PDE4D: variants seen among roughly 807,000 people sequenced by gnomAD.
PDE4D encodes phosphodiesterase 4D.
Under a neutral mutation model 87.4 loss-of-function variants are expected in PDE4D, and 24 were observed. The ratio of observed to expected loss-of-function variants is 0.27; its 90% CI spans 0.20 to 0.39. The LOEUF (loss-of-function observed/expected upper bound fraction) is 0.39. Among genes scored for constraint, PDE4D ranks in the 10% least tolerant of loss-of-function variants. The probability of loss-of-function intolerance (pLI) is 1.00; values close to 1 mark genes in which losing one functional copy is unlikely to be tolerated. For synonymous variants in PDE4D, 384 were observed against 383.2 expected (o/e 1.00, Z -0.02); for missense variants, 714 against 1,041.0 (o/e 0.69, Z 4.32).
At chr5:59,331,967 G>A (rs986139734) in intron 1 of PDE4D, among the ~76,000 whole-genome samples, 1 of 152,082 alleles carries the variant, frequency 6.6e-6, no homozygotes, top group African/African-American at 2.4e-5. Context: ...TAGATCCATG[G>A]CCCATTTACC....
intron 1 of PDE4D, among the ~76,000 whole-genome samples, chr5:59,224,122 CAAAAAAAAAAAA>C (rs762239197): frequency 9.2e-5 from 2 of 21,840 alleles, no homozygotes; most frequent in South Asian, 3.7e-3. Context: ...CCTGTTTCTA[CAAAAAAAAAAAA>C]AAAAAAAAAA....
intron 1 of PDE4D, among the ~76,000 whole-genome samples, chr5:59,581,150 A>T (rs1056128492): frequency 2.6e-5 from 4 of 152,162 alleles, no homozygotes; most frequent in Non-Finnish European, 5.9e-5. Flanking sequence ...ATAATGCTAT[A>T]GCTAGACAGA....
At chr5:59,706,672 T>C (rs1753450730) in intron 1 of PDE4D, among the ~76,000 whole-genome samples, 1 of 152,146 alleles carries the variant, frequency 6.6e-6, no homozygotes, top group South Asian at 2.1e-4. Flanking sequence ...CTAGAATGTA[T>C]CCTTTGCTTA....
chr5:59,556,286 T>C (rs1377151750), intron 1 of PDE4D, among the ~76,000 whole-genome samples: 1 of 152,208 alleles, frequency 6.6e-6, no homozygotes, highest in Non-Finnish European at 1.5e-5. Flanking sequence ...ATTTACATTT[T>C]TTATTCAAAT....
chr5:59,440,957 T>C lies in PDE4D; in HGVS notation c.456-224989A>G, dbSNP rs144826045. 1.3e-3 allele frequency among the ~76,000 whole-genome samples: 205 copies of C among 152,340 alleles called. 1 individual carries two copies. The highest frequency in any genetic ancestry group is 4.8e-3 in the African/African-American group (199 of 41,580). On this transcript the variant is annotated intron_variant, in intron 1 of 14. Coordinates refer to ENST00000340635, the MANE Select transcript of PDE4D (RefSeq NM_001104631.2). Reference sequence around the variant, plus strand: ...TTGAGCAGATTTAAATGCTTATCTTTGAGCAGATTTAAATATCGAAAATTT... The same window carrying C: ...TTGAGCAGATTTAAATGCTTATCTTCGAGCAGATTTAAATATCGAAAATTT...
At chr5:60,283,958 T>C (rs1248619014) in intron 1 of PDE4D, among the ~76,000 whole-genome samples, 1 of 151,654 alleles carries the variant, frequency 6.6e-6, no homozygotes, top group Non-Finnish European at 1.5e-5. Flanking sequence ...AGAAACCAGC[T>C]GAATGAATAC....
chr5:60,108,437 A>G (rs1777288269), intron 2 of PDE4D, among the ~76,000 whole-genome samples: 1 of 152,222 alleles, frequency 6.6e-6, no homozygotes, highest in Non-Finnish European at 1.5e-5. Flanking sequence ...ATACTGCCCA[A>G]GGTAATTTAA....
intron 1 of PDE4D, among the ~76,000 whole-genome samples, chr5:59,563,336 TAGAA>T (rs796745779): frequency 1.1e-4 from 17 of 152,306 alleles, no homozygotes; most frequent in African/African-American, 3.1e-4. Flanking sequence ...GACTCATTGA[TAGAA>T]AGAGAGAAGC....
At chr5:59,568,713 A>C (rs1412026946) in intron 1 of PDE4D, among the ~76,000 whole-genome samples, 2 of 152,092 alleles carry the variant, frequency 1.3e-5, no homozygotes, top group Non-Finnish European at 2.9e-5. Context: ...TCTACAAAAT[A>C]CCTAATCAGT....
At chr5:59,156,320 A>AAAAAAAATATATAT (rs548335725) in intron 5 of PDE4D, among the ~76,000 whole-genome samples, 1 of 81,780 alleles carries the variant, frequency 1.2e-5, no homozygotes, top group African/African-American at 5.1e-5. Context: ...AAAAAAAAAA[A>AAAAAAAATATATAT]ATATATATAT....
chr5:59,347,596 C>T (rs970886528), intron 1 of PDE4D, among the ~76,000 whole-genome samples: 3 of 152,148 alleles, frequency 2.0e-5, no homozygotes. Flanking sequence ...CGATTTTTAA[C>T]TTCCATTTTT....
rs994554448 is a variant in PDE4D, at chr5:59,312,113, G to C, written c.456-96145C>G. Among the ~76,000 whole-genome samples the C allele has an allele frequency of 5.3e-5, 8 of 152,258 alleles. 1 individual carries two copies. In the South Asian group the frequency reaches 1.5e-3, roughly 28 times the overall value. On this transcript the variant is annotated intron_variant, in intron 1 of 14. Transcript: ENST00000340635. Reference sequence around the variant, plus strand: ...CTTAGTTCTCCTCTCCAAGCTTGTAGGAGGTAAGTGAGCCAACTGAACTCG... The same window carrying C: ...CTTAGTTCTCCTCTCCAAGCTTGTACGAGGTAAGTGAGCCAACTGAACTCG...
chr5:60,219,163 C>T (rs1419914267), intron 1 of PDE4D, among the ~76,000 whole-genome samples: 1 of 152,132 alleles, frequency 6.6e-6, no homozygotes, highest in Admixed American at 6.6e-5. Context: ...CTTTCCAAAG[C>T]TCCTGCATGT....
intron 1 of PDE4D, among the ~76,000 whole-genome samples, chr5:59,317,496 A>G (rs1450804906): frequency 1.3e-5 from 2 of 152,102 alleles, no homozygotes; most frequent in Admixed American, 1.3e-4. Context: ...CCCACTTTAC[A>G]TCTCTGCAGC....
At chr5:60,187,508 C>T (rs1291327940) in intron 1 of PDE4D, among the ~76,000 whole-genome samples, 3 of 152,102 alleles carry the variant, frequency 2.0e-5, no homozygotes, top group Admixed American at 2.0e-4. Flanking sequence ...TTAGGGACAA[C>T]CATGGAATAG....
At chr5:60,073,121 C>G (rs1772908807) in intron 2 of PDE4D, among the ~76,000 whole-genome samples, 1 of 152,024 alleles carries the variant, frequency 6.6e-6, no homozygotes, top group Admixed American at 6.6e-5. Context: ...AAGCTTTTGC[C>G]CATTCAGTAT....
In PDE4D at chr5:60,190,479, T is replaced by C. The variant is rs1785113026; in HGVS notation, c.-89-4792A>G. 2.6e-5 allele frequency among the ~76,000 whole-genome samples: 4 copies of C among 152,234 alleles called. No individual in the cohort carries two copies. The South Asian group carries it at 8.3e-4, about 32-fold the overall frequency. ...GAGATTTCCTGCTATTTACATTTTC[T>C]CTCTTTTCTCTAGAGTGCTGTTTAT... is the stretch of plus-strand genomic sequence containing the variant. On this transcript the variant is annotated intron_variant, in intron 1 of 16. Coordinates refer to the PDE4D transcript ENST00000502484.
At chr5:60,252,540 G>GT (rs1748596519) in intron 1 of PDE4D, among the ~76,000 whole-genome samples, 1 of 151,660 alleles carries the variant, frequency 6.6e-6, no homozygotes, top group South Asian at 2.1e-4. Context: ...GGGTCAGTAG[G>GT]TTTTGGAGAG....
intron 1 of PDE4D, among the ~76,000 whole-genome samples, chr5:60,329,046 C>A (rs1195369949): frequency 1.3e-5 from 2 of 152,224 alleles, no homozygotes; most frequent in Non-Finnish European, 2.9e-5. Flanking sequence ...TTTGTTCAAC[C>A]AAGTATAAAA....
Sources: allele counts gnomAD v4.1 joint callset (sites outside exome capture counted in the v4.1 genomes callset), GRCh38; gene constraint gnomAD v4.1.1; transcripts MANE v1.5; gene names NCBI Gene and HGNC (gene_info 2026-07-23, HGNC 2026-07-21).